Variants in ADIPOR2 observed in about 807,000 individuals in gnomAD.
ADIPOR2 encodes the protein adiponectin receptor 2, also known as adiponectin receptor protein 2.
Under a neutral mutation model 40.9 loss-of-function variants are expected in ADIPOR2, and 18 were observed. The ratio of observed to expected loss-of-function variants is 0.44; its 90% CI spans 0.30 to 0.65. The LOEUF (loss-of-function observed/expected upper bound fraction) is 0.65. Among genes scored for constraint, ADIPOR2 ranks in the 30% least tolerant of loss-of-function variants. The probability of loss-of-function intolerance (pLI) is 0.09; values close to 1 mark genes in which losing one functional copy is unlikely to be tolerated. For synonymous variants in ADIPOR2, 165 were observed against 166.4 expected, an observed-to-expected ratio of 0.99 and a Z score of 0.06; for missense variants, 283 against 479.2, an observed-to-expected ratio of 0.59 and a Z score of 3.82.
intron 1 of ADIPOR2, among the ~76,000 whole-genome samples, chr12:1,714,165 C>A (rs1446838647): frequency 6.6e-6 from 1 of 152,104 alleles, no homozygotes; most frequent in Non-Finnish European, 1.5e-5. Context: ...TCCTTGCAAA[C>A]CAAATTGATA....
At chr12:1,754,739 T>C (rs1011697341) in intron 2 of ADIPOR2, among the ~76,000 whole-genome samples, 18 of 145,708 alleles carry the variant, frequency 1.2e-4, no homozygotes, top group Admixed American at 7.0e-4. Context: ...CTACTACTAC[T>C]ACTACTACTA....
intron 1 of ADIPOR2, among the ~76,000 whole-genome samples, chr12:1,736,034 A>G (rs569182923): frequency 1.8e-4 from 28 of 152,326 alleles, no homozygotes; most frequent in Admixed American, 1.8e-3. Context: ...GATGTTCATC[A>G]GGGATATTGG....
chr12:1,721,653 GA>G (rs1198200426), intron 1 of ADIPOR2, among the ~76,000 whole-genome samples: 1 of 152,192 alleles, frequency 6.6e-6, no homozygotes, highest in African/African-American at 2.4e-5. Context: ...AAAAATATCA[GA>G]GACAAGTGCT....
chr12:1,782,955 TTTCTTTTTC>T lies in ADIPOR2; in HGVS notation c.839-922_839-914del, dbSNP rs1196354020. On this transcript the variant is annotated intron_variant, in intron 6 of 7. Coordinates refer to ENST00000357103, the MANE Select transcript of ADIPOR2 (RefSeq NM_024551.3). ...AATTTTTTCTTCTTTTTTCTTTTCT[TTTCTTTTTC>T]TTTCTTTCTTTCTTTTTTTTTTTTT... Among the ~76,000 whole-genome samples, 394 of 148,550 alleles carry T rather than the reference TTTCTTTTTC, an allele frequency of 2.7e-3. 1 individual carries two copies. The highest frequency in any genetic ancestry group is 9.4e-3 in the African/African-American group (372 of 39,448).
chr12:1,706,116 T>C (rs2094661827), intron 1 of ADIPOR2, among the ~76,000 whole-genome samples: 1 of 152,218 alleles, frequency 6.6e-6, no homozygotes, highest in Non-Finnish European at 1.5e-5. Context: ...CTACTTACTT[T>C]TGTGGGAGGC....
rs1862696103 is a variant in ADIPOR2 at position 1,780,650 on chromosome 12, A to G, written c.650+13A>G. ...GGCTCTTCTCTAAGTAAGTATCTGT[A>G]AAGTCCGTATTTTGGCCAATGATTT... On this transcript the variant is annotated intron_variant, in intron 5 of 7. Coordinates refer to ENST00000357103, the MANE Select transcript of ADIPOR2 (RefSeq NM_024551.3). The G allele has an allele frequency of 3.8e-6, 6 of 1,565,760 alleles. No homozygotes were observed. In the African/African-American group the frequency reaches 4.2e-5, roughly 11 times the overall value.
intron 1 of ADIPOR2, among the ~76,000 whole-genome samples, chr12:1,736,862 C>T (rs1460808457): frequency 6.6e-6 from 1 of 152,192 alleles, no homozygotes; most frequent in Non-Finnish European, 1.5e-5. Flanking sequence ...GCCTTCATTT[C>T]GTTATGTACC....
chr12:1,708,597 G>A (rs898160969), intron 1 of ADIPOR2, among the ~76,000 whole-genome samples: 11 of 152,102 alleles, frequency 7.2e-5, no homozygotes, highest in Admixed American at 6.5e-4. Flanking sequence ...TGAATATCCA[G>A]TTGTTCAAGC....
intron 5 of ADIPOR2, 55 bp from the exon 6 acceptor site, chr12:1,780,834 G>A (rs1862703403): frequency 3.4e-6 from 5 of 1,475,800 alleles, no homozygotes; most frequent in Non-Finnish European, 4.5e-6. Flanking sequence ...GGAACCTGTA[G>A]TGGCCAGTAG....
intron 1 of ADIPOR2, 47 bp from the exon 2 acceptor site, chr12:1,754,205 TATTTTC>T (rs1186586078): frequency 7.1e-6 from 5 of 708,754 alleles, no homozygotes; most frequent in Non-Finnish European, 1.1e-5. Context: ...ATATAACTGA[TATTTTC>T]CCCAGCACTC....
intron 1 of ADIPOR2, among the ~76,000 whole-genome samples, chr12:1,704,039 C>T (rs1054057741): frequency 0.014 from 768 of 55,508 alleles, no homozygotes; most frequent in Middle Eastern, 0.037. Flanking sequence ...TTTTTTGGGT[C>T]TTGGTTCTAC....
intron 1 of ADIPOR2, among the ~76,000 whole-genome samples, chr12:1,740,360 G>C (rs765605759): frequency 6.6e-6 from 1 of 152,142 alleles, no homozygotes; most frequent in Non-Finnish European, 1.5e-5. Context: ...CATGTCAGCA[G>C]GTTTGGTTTC....
intron 6 of ADIPOR2, among the ~76,000 whole-genome samples, chr12:1,782,983 T>TC (rs1490963176): frequency 2.5e-3 from 99 of 40,264 alleles, no homozygotes; most frequent in Middle Eastern, 0.015. Flanking sequence ...TTTCTTTTTT[T>TC]TTTTTTTTTT....
chr12:1,780,775 A>C, intron 5 of ADIPOR2, 114 bp from the exon 6 acceptor site: 1 of 1,357,620 alleles, frequency 7.4e-7, no homozygotes, highest in Non-Finnish European at 9.9e-7. Flanking sequence ...AGAGCAACCC[A>C]GTTTGGCTCT....
At chr12:1,719,077 C>A (rs2094692992) in intron 1 of ADIPOR2, among the ~76,000 whole-genome samples, 1 of 152,090 alleles carries the variant, frequency 6.6e-6, no homozygotes, top group Admixed American at 6.5e-5. Context: ...TTCTCAGCTA[C>A]CAACTATATC....
chr12:1,761,877 A>G (rs1215730010), intron 2 of ADIPOR2, among the ~76,000 whole-genome samples: 1 of 152,216 alleles, frequency 6.6e-6, no homozygotes, highest in African/African-American at 2.4e-5. Context: ...TTAAAAATAT[A>G]AAGTTTATTA....
chr12:1,772,639 A>G, intron 2 of ADIPOR2: 1 of 481,738 alleles, frequency 2.1e-6, no homozygotes, highest in Non-Finnish European at 3.3e-6. Context: ...CAGTTAATTC[A>G]TCTGTCAGAG....
chr12:1,720,082 G>A, intron 1 of ADIPOR2, among the ~76,000 whole-genome samples: 1 of 152,152 alleles, frequency 6.6e-6, no homozygotes, highest in Non-Finnish European at 1.5e-5. Context: ...AGACAGGCAT[G>A]TAAACAGATA....
chr12:1,779,632 A>T (rs1862673708), intron 4 of ADIPOR2, among the ~76,000 whole-genome samples: 2 of 151,868 alleles, frequency 1.3e-5, no homozygotes, highest in Non-Finnish European at 1.5e-5. Context: ...TTCTGGCCTT[A>T]CTCCATTTGA....
Sources: allele counts gnomAD v4.1 joint callset (sites outside exome capture counted in the v4.1 genomes callset), GRCh38; gene constraint gnomAD v4.1.1; transcripts MANE v1.5; gene names NCBI Gene and HGNC (gene_info 2026-07-23, HGNC 2026-07-21).